Variants in GPRC6A observed in about 807,000 individuals in gnomAD.
GPRC6A encodes G protein-coupled receptor class C group 6 member A.
Under a neutral mutation model 47.0 loss-of-function variants are expected in GPRC6A, and 54 were observed. The observed-to-expected ratio is 1.15, with a 90% CI of 0.92 to 1.44. The LOEUF (loss-of-function observed/expected upper bound fraction) is 1.44, where lower values mean the gene tolerates loss of function less well. GPRC6A is among the 40% of genes most tolerant of loss of function. The pLI is 0.00. For synonymous variants in GPRC6A, 347 were observed against 377.1 expected (o/e 0.92, Z 0.93); for missense variants, 1,112 against 1,105.5 (o/e 1.01, Z -0.08).
Position 116,806,705 on chromosome 6 carries a change from A to T in GPRC6A, c.1000T>A (p.Ser334Thr). 6.2e-7 allele frequency: 1 copy of T among 1,612,714 alleles called. No individual in the cohort carries two copies. Among genetic ancestry groups the T allele is most frequent in the Non-Finnish European group, 8.5e-7 (1 of 1,178,962 alleles). ...TTTTGAAGAAAGGAATGGAAAGAGG[A>T]TATATTCCCTCTTCTAAAGGCAAAC... Reference protein sequence around the residue: ...VGFAFRRGNISSFHSFLQNLH... With the variant: ...VGFAFRRGNITSFHSFLQNLH... Residue 334 changes from serine (S) to threonine (T), a missense_variant, in exon 3 of 6, where the codon TCC becomes ACC. Coordinates refer to ENST00000310357, the MANE Select transcript of GPRC6A (RefSeq NM_148963.4).
At chr6:116,814,610 G>T (rs1252730149) in intron 1 of GPRC6A, among the ~76,000 whole-genome samples, 1 of 152,120 alleles carries the variant, frequency 6.6e-6, no homozygotes. Flanking sequence ...TCATGTGGTG[G>T]GGGGATGGGG....
intron 1 of GPRC6A, among the ~76,000 whole-genome samples, chr6:116,818,253 G>A (rs1439132692): frequency 4.6e-5 from 7 of 151,942 alleles, no homozygotes; most frequent in Admixed American, 1.3e-4. Flanking sequence ...AAGAATTTTC[G>A]GCCGGGCGCG....
intron 1 of GPRC6A, among the ~76,000 whole-genome samples, chr6:116,815,513 A>G (rs926764876): frequency 6.6e-6 from 1 of 152,154 alleles, no homozygotes; most frequent in African/African-American, 2.4e-5. Flanking sequence ...ACTTTAGACC[A>G]AGTGGACCCA....
In GPRC6A at chr6:116,793,038, C is replaced by T. The variant is rs1239081983; in HGVS notation, c.1885G>A (p.Gly629Arg). Reference sequence around the variant, plus strand: ...AGGATCACATAGCAGACTCTTAATCCCCCGGATGATTTCACAACAGGTGTG... The same window carrying T: ...AGGATCACATAGCAGACTCTTAATCTCCCGGATGATTTCACAACAGGTGTG... ...LNTPVVKSSGGLRVCYVILLC... is the reference protein window; with the variant it reads ...LNTPVVKSSGRLRVCYVILLC... Residue 629 changes from glycine to arginine, a missense_variant, in exon 6 of 6, where the codon GGA becomes AGA. By Grantham distance (125) the Gly-to-Arg change is moderately radical (BLOSUM62 -2). Transcript: ENST00000310357. 2 of 1,613,966 alleles carry T rather than the reference C, an allele frequency of 1.2e-6. No individual in the cohort carries two copies. The highest frequency in any genetic ancestry group is 2.2e-5 in the South Asian group (2 of 91,054).
intron 1 of GPRC6A, among the ~76,000 whole-genome samples, chr6:116,814,838 C>G (rs1165144697): frequency 6.6e-6 from 1 of 151,906 alleles, no homozygotes; most frequent in African/African-American, 2.4e-5. Context: ...AAGAAATGCA[C>G]TTTACATATA....
At chr6:116,805,083 C>A (rs1203393982) in intron 3 of GPRC6A, among the ~76,000 whole-genome samples, 2 of 151,898 alleles carry the variant, frequency 1.3e-5, no homozygotes, top group Non-Finnish European at 2.9e-5. Context: ...ATGGTTTTTA[C>A]CACCATCATT....
At chr6:116,816,519 C>T (rs945904158) in intron 1 of GPRC6A, among the ~76,000 whole-genome samples, 5 of 152,208 alleles carry the variant, frequency 3.3e-5, no homozygotes, top group African/African-American at 1.2e-4. Context: ...ATAAATCATT[C>T]TTCTGAGGGA....
chr6:116,814,431 G>A (rs750539061), intron 1 of GPRC6A, among the ~76,000 whole-genome samples: 47 of 152,080 alleles, frequency 3.1e-4, no homozygotes, highest in Non-Finnish European at 6.0e-4. Context: ...GCCATAAAAA[G>A]GATGAGTTCA....
chr6:116,801,207 A>G (rs1772665082), intron 3 of GPRC6A, among the ~76,000 whole-genome samples: 1 of 152,198 alleles, frequency 6.6e-6, no homozygotes, highest in African/African-American at 2.4e-5. Flanking sequence ...ATGATTGAGT[A>G]TGTAGTAAAG....
At chr6:116,812,196 C>T (rs1040257464) in intron 1 of GPRC6A, among the ~76,000 whole-genome samples, 1 of 152,066 alleles carries the variant, frequency 6.6e-6, no homozygotes, top group African/African-American at 2.4e-5. Context: ...ACCTTATAGG[C>T]CAGAAGAGAA....
intron 3 of GPRC6A, among the ~76,000 whole-genome samples, 199 bp downstream of exon 3, chr6:116,806,171 G>T (rs899346525): frequency 6.6e-6 from 1 of 152,126 alleles, no homozygotes; most frequent in African/African-American, 2.4e-5. Context: ...AGAGTAGGAA[G>T]TGAAGATAAA....
In GPRC6A at chr6:116,792,533, G is replaced by A; in HGVS notation, c.2390C>T (p.Thr797Ile). The A allele has an allele frequency of 6.2e-7, 1 of 1,613,732 alleles. No homozygotes were observed. ...TGTGGTAGCATAGATAGGGATGAATGTGATCCAAGCTATGAAGTAAATGAG... is the reference window on the plus strand; with the variant it reads ...TGTGGTAGCATAGATAGGGATGAATATGATCCAAGCTATGAAGTAAATGAG... ...GMLIYFIAWITFIPIYATTFG... is the reference protein window; with the variant it reads ...GMLIYFIAWIIFIPIYATTFG... Residue 797 changes from threonine to isoleucine, a missense_variant, in exon 6 of 6, where the codon ACA becomes ATA. Coordinates refer to ENST00000310357, the MANE Select transcript of GPRC6A (RefSeq NM_148963.4).
At position 116,805,799 on chromosome 6, in the gene GPRC6A, C is replaced by T. The variant is rs771720530; in HGVS notation, c.1335+571G>A. ...AGAAAACTGGAGTCCAAGTCCTTTACGTGTATACATATACACATAAAGACC... is the reference window on the plus strand; with the variant it reads ...AGAAAACTGGAGTCCAAGTCCTTTATGTGTATACATATACACATAAAGACC... On this transcript the variant is annotated intron_variant, in intron 3 of 5. Coordinates refer to ENST00000310357, the MANE Select transcript of GPRC6A (RefSeq NM_148963.4). Among the ~76,000 whole-genome samples, 16 of 151,896 alleles carry T rather than the reference C, an allele frequency of 1.1e-4. No individual in the cohort carries two copies. The South Asian group carries it at 2.7e-3, about 26-fold the overall frequency.
intron 1 of GPRC6A, among the ~76,000 whole-genome samples, chr6:116,812,680 C>A (rs370576490): frequency 2.0e-5 from 3 of 152,124 alleles, no homozygotes; most frequent in African/African-American, 7.2e-5. Context: ...TGGAAGCATT[C>A]CCTTTGAAAA....
Position 116,807,145 on chromosome 6 carries a change from C to G in GPRC6A, c.560G>C (p.Arg187Pro). The G allele has an allele frequency of 6.2e-7, 1 of 1,613,366 alleles. No individual in the cohort carries two copies. Among genetic ancestry groups the G allele is most frequent in the Non-Finnish European group, 8.5e-7 (1 of 1,179,650 alleles). Residue 187 changes from arginine (R) to proline (P), a missense_variant, in exon 3 of 6, where the codon CGG becomes CCG. Physicochemically the swap from Arg to Pro is moderately radical, Grantham distance 103 (BLOSUM62 -2). Coordinates refer to ENST00000310357, the MANE Select transcript of GPRC6A (RefSeq NM_148963.4). ...TTGATGGAAGTCACTGGGCACAGTC[C>G]GTAAAAATGAAGGAAAGCGAATTTT... Reference protein sequence around the residue: ...SDKIRFPSFLRTVPSDFHQIK... With the variant: ...SDKIRFPSFLPTVPSDFHQIK...
intron 4 of GPRC6A, among the ~76,000 whole-genome samples, chr6:116,796,196 A>G (rs113613575): frequency 1.2e-4 from 18 of 152,274 alleles, no homozygotes; most frequent in African/African-American, 3.8e-4. Context: ...TAGATAAGAA[A>G]ATAGCAAATG....
At chr6:116,823,775 C>T (rs1039070778) in intron 1 of GPRC6A, among the ~76,000 whole-genome samples, 1 of 152,028 alleles carries the variant, frequency 6.6e-6, no homozygotes, top group South Asian at 2.1e-4. Flanking sequence ...ATCTGCTTAG[C>T]AACTTGGGAG....
intron 1 of GPRC6A, among the ~76,000 whole-genome samples, chr6:116,814,921 A>G (rs1275504652): frequency 1.3e-5 from 2 of 152,212 alleles, no homozygotes; most frequent in South Asian, 4.1e-4. Flanking sequence ...AAGTGAGCAG[A>G]AGTAGCTATA....
At chr6:116,824,849 A>C (rs1375965114) in intron 1 of GPRC6A, among the ~76,000 whole-genome samples, 1 of 152,030 alleles carries the variant, frequency 6.6e-6, no homozygotes, top group East Asian at 1.9e-4. Context: ...CTCAAAAAAT[A>C]CTAGTGAACA....
Sources: gnomAD v4.1 joint callset for allele counts (sites outside exome capture counted in the v4.1 genomes callset) on GRCh38, gnomAD v4.1.1 for gene constraint, MANE v1.5 for transcripts, NCBI Gene and HGNC (gene_info 2026-07-23, HGNC 2026-07-21) for gene names.